NLRP7: variants seen among roughly 807,000 people sequenced by gnomAD.
NLRP7 encodes NLR family pyrin domain containing 7, also known as NACHT, LRR and PYD domains-containing protein 7.
NLRP7 carries 72 observed loss-of-function variants against 85.5 expected under a neutral mutation model. That is an observed-to-expected ratio of 0.84 (90% CI 0.70 to 1.02). The LOEUF is 1.02. Among genes scored for constraint, NLRP7 ranks in the 50% least tolerant of loss-of-function variants. The pLI, the probability that NLRP7 is intolerant of heterozygous loss-of-function variation, is 0.00. For synonymous variants in NLRP7, 550 were observed against 505.2 expected (o/e 1.09, Z -1.19); for missense variants, 1,243 against 1,219.5 (o/e 1.02, Z -0.29).
upstream of NLRP7, among the ~76,000 whole-genome samples, chr19:54,950,182 G>A (rs939610186): frequency 6.6e-6 from 1 of 151,692 alleles, no homozygotes. Flanking sequence ...GGACTGTGGT[G>A]CACCCCAGGT....
intron 1 of NLRP7, among the ~76,000 whole-genome samples, chr19:54,946,183 A>C (rs894291118): frequency 6.6e-6 from 1 of 151,372 alleles, no homozygotes; most frequent in Non-Finnish European, 1.5e-5. Flanking sequence ...CTGGGATCAC[A>C]GGCGTGAGCC....
Position 54,923,884 on chromosome 19 carries a change from A to G in NLRP7, c.2811-12T>C, listed in dbSNP as rs748853151. ...CATAGGTCTTCAACCTGGAGGGATC[A>G]GAGAACACAAATGTTCCCAGAAATT... is the stretch of plus-strand genomic sequence containing the variant. On this transcript the variant is annotated splice_polypyrimidine_tract_variant and intron_variant, in intron 9 of 9. Coordinates refer to ENST00000340844, the Ensembl canonical transcript of NLRP7. The G allele has an allele frequency of 6.2e-7, 1 of 1,611,368 alleles. No individual in the cohort carries two copies. Among genetic ancestry groups the G allele is most frequent in the Non-Finnish European group, 8.5e-7 (1 of 1,179,388 alleles).
chr19:54,932,477 C>T (rs2068719771), intron 8 of NLRP7, among the ~76,000 whole-genome samples: 1 of 151,204 alleles, frequency 6.6e-6, no homozygotes, highest in Non-Finnish European at 1.5e-5. Context: ...AATTTCTGAA[C>T]AGGAACAGGT....
At chr19:54,946,972 T>C (rs2069502951) in intron 1 of NLRP7, among the ~76,000 whole-genome samples, 1 of 150,716 alleles carries the variant, frequency 6.6e-6, no homozygotes, top group Non-Finnish European at 1.5e-5. Context: ...AGTTTTACCA[T>C]GTTGCCCAGG....
upstream of NLRP7, among the ~76,000 whole-genome samples, chr19:54,949,527 T>G (rs1277900016): frequency 6.6e-6 from 1 of 152,162 alleles, no homozygotes; most frequent in Admixed American, 6.6e-5. Context: ...TATGGAGAGA[T>G]AAACATGAAA....
At chr19:54,957,438 C>T (rs34574892) in intron 1 of NLRP7, among the ~76,000 whole-genome samples, 1,660 of 151,280 alleles carry the variant, frequency 0.011, 33 homozygotes, top group African/African-American at 0.036. Context: ...TTCCTCCTCC[C>T]GGGTTCAAGT....
chr19:54,925,177 T>C (rs1176838697), intron 9 of NLRP7, among the ~76,000 whole-genome samples: 3 of 151,952 alleles, frequency 2.0e-5, no homozygotes, highest in African/African-American at 7.3e-5. Flanking sequence ...AAGGAGGAAC[T>C]GAGGAATGAG....
intron 6 of NLRP7, among the ~76,000 whole-genome samples, chr19:54,935,975 T>C (rs931101360): frequency 2.0e-5 from 3 of 152,130 alleles, no homozygotes; most frequent in Admixed American, 1.3e-4. Flanking sequence ...GCCACTGCTC[T>C]CAATCCCAAC....
At chr19:54,960,047 T>G (rs2069987397) in intron 1 of NLRP7, among the ~76,000 whole-genome samples, 1 of 152,042 alleles carries the variant, frequency 6.6e-6, no homozygotes, top group African/African-American at 2.4e-5. Context: ...TCTAACCACG[T>G]AGTTCCTCTT....
intron 9 of NLRP7, among the ~76,000 whole-genome samples, chr19:54,929,988 A>G (rs269945): frequency 0.55 from 82,594 of 149,718 alleles, 23,073 homozygotes; most frequent in East Asian, 0.71. Flanking sequence ...GGTGGCGGGC[A>G]TCTGTAGTCC....
Position 54,935,944 on chromosome 19 carries a change from G to A in NLRP7, c.2300+317C>T, listed in dbSNP as rs117260704. ...AAACTGTCTTGTGCAAAACCGGCCC[G>A]CGGTGCAGAAAAGGCTGGGGGCCAC... On this transcript the variant is annotated intron_variant, in intron 6 of 9. Coordinates refer to ENST00000340844, the Ensembl canonical transcript of NLRP7. Among the ~76,000 whole-genome samples, 265 of 152,168 alleles carry A rather than the reference G, an allele frequency of 1.7e-3. 3 individuals carry two copies. The highest frequency in any genetic ancestry group is 0.015 in the East Asian group (76 of 5,162).
exon 4 of NLRP7, chr19:54,939,516 G>A: frequency 2.5e-6 from 4 of 1,613,844 alleles, no homozygotes; most frequent in Admixed American, 1.7e-5. Flanking sequence ...AGCCTTTCCA[G>A]GTCCTCTCGG....
At position 54,936,743 on chromosome 19, in the gene NLRP7, C is replaced by T. The variant is rs146930822; in HGVS notation, c.2130-312G>A. On this transcript the variant is annotated intron_variant, in intron 5 of 9. Coordinates refer to ENST00000340844, the Ensembl canonical transcript of NLRP7. ...CAGCCTGGCCAACATGGGGAAGCCC[C>T]GTCTCTACTAAAAATACAAAAATTA... Among the ~76,000 whole-genome samples, 272 of 152,130 alleles carry T rather than the reference C, an allele frequency of 1.8e-3. 4 individuals are homozygous for T. The East Asian group carries it at 0.033, about 19-fold the overall frequency.
upstream of NLRP7, among the ~76,000 whole-genome samples, chr19:54,948,388 CA>C (rs1245303623): frequency 6.6e-6 from 1 of 151,648 alleles, no homozygotes; most frequent in East Asian, 1.9e-4. Flanking sequence ...GTCTCAAAAA[CA>C]AAAACAAAAA....
At chr19:54,961,121 C>T (rs2070027532) in intron 1 of NLRP7, among the ~76,000 whole-genome samples, 1 of 151,800 alleles carries the variant, frequency 6.6e-6, no homozygotes, top group Admixed American at 6.6e-5. Flanking sequence ...CACCTGTAAT[C>T]TCAGTACTTT....
intron 1 of NLRP7, chr19:54,953,108 A>G (rs2069724530): frequency 6.6e-6 from 1 of 152,100 alleles, no homozygotes; most frequent in Non-Finnish European, 1.5e-5. Flanking sequence ...ATTCTAAGTC[A>G]CAGGATGAGA....
upstream of NLRP7, among the ~76,000 whole-genome samples, chr19:54,951,364 T>C (rs1283706299): frequency 6.6e-6 from 1 of 152,046 alleles, no homozygotes; most frequent in Non-Finnish European, 1.5e-5. Context: ...CCAGCCAGCA[T>C]GGTGAAACTG....
exon 2 of NLRP7, chr19:54,941,725 T>C (rs1489839401): frequency 1.2e-6 from 2 of 1,610,372 alleles, no homozygotes; most frequent in Non-Finnish European, 1.7e-6. Context: ...GCTCCGAGTA[T>C]GAGACCTTAG....
rs561365674 is a variant in NLRP7, at chr19:54,930,772, G to T, written c.2643-106C>A. 56 of 940,804 alleles carry T rather than the reference G, an allele frequency of 6.0e-5. 1 individual carries two copies. The South Asian group carries it at 6.9e-4, about 12-fold the overall frequency. 58.3% of individuals were successfully genotyped at this position (940,804 alleles called of 1,614,324 possible). ...CCTTCCACTTATATACTGGAATGCA[G>T]TGCTGCACTCTTGGCTCACTGCAAC... On this transcript the variant is annotated intron_variant, in intron 8 of 9. Coordinates refer to ENST00000340844, the Ensembl canonical transcript of NLRP7.
Sources: allele counts gnomAD v4.1 joint callset (sites outside exome capture counted in the v4.1 genomes callset), GRCh38; gene constraint gnomAD v4.1.1; transcripts MANE v1.5; gene names NCBI Gene and HGNC (gene_info 2026-07-23, HGNC 2026-07-21).